Variants in HDAC9 observed in about 807,000 individuals in gnomAD.
The protein encoded by HDAC9 is histone deacetylase 9.
Under a neutral mutation model 139.4 loss-of-function variants are expected in HDAC9, and 41 were observed. The ratio of observed to expected loss-of-function variants is 0.29; its 90% CI spans 0.23 to 0.38. The LOEUF (loss-of-function observed/expected upper bound fraction) is 0.38. Ranked by LOEUF, HDAC9 falls within the 10% of genes least tolerant of loss-of-function variation. The pLI, the probability that HDAC9 is intolerant of heterozygous loss-of-function variation, is 1.00. For missense variants in HDAC9, 1,147 were observed against 1,297.0 expected (o/e 0.88, Z 1.78); for synonymous variants, 517 against 476.2 (o/e 1.09, Z -1.12).
chr7:18,968,828 G>A (rs1016173889), intron 24 of HDAC9, among the ~76,000 whole-genome samples: 10 of 151,720 alleles, frequency 6.6e-5, no homozygotes, highest in Non-Finnish European at 1.3e-4. Flanking sequence ...GCGTGGTGGC[G>A]GGCGCCTGTA....
chr7:18,440,013 C>G (rs760753462), intron 1 of HDAC9, among the ~76,000 whole-genome samples: 2 of 152,110 alleles, frequency 1.3e-5, no homozygotes, highest in Non-Finnish European at 1.5e-5. Context: ...TGAAATTCAT[C>G]ATTGTACCCA....
chr7:18,307,134 TGTGTG>T (rs1282784929), intron 1 of HDAC9, among the ~76,000 whole-genome samples: 2,527 of 149,110 alleles, frequency 0.017, 41 homozygotes, highest in Middle Eastern at 0.035. Context: ...TGTGTGTGTG[TGTGTG>T]TGTGTTTGTA....
intron 2 of HDAC9, among the ~76,000 whole-genome samples, chr7:18,564,850 C>G (rs1464925888): frequency 6.6e-6 from 1 of 152,102 alleles, no homozygotes; most frequent in Non-Finnish European, 1.5e-5. Flanking sequence ...TGGGCTTCCA[C>G]TGTTTCCTCT....
intron 16 of HDAC9, among the ~76,000 whole-genome samples, chr7:18,791,550 G>A (rs560562111): frequency 6.6e-6 from 1 of 152,256 alleles, no homozygotes; most frequent in African/African-American, 2.4e-5. Flanking sequence ...CAAATGATTA[G>A]GTCTCAGTGT....
intron 1 of HDAC9, among the ~76,000 whole-genome samples, chr7:18,392,919 CAAAAAAAAAAAA>C (rs773532939): frequency 7.6e-4 from 34 of 44,554 alleles, no homozygotes; most frequent in African/African-American, 1.9e-3. Flanking sequence ...CCATGACTGG[CAAAAAAAAAAAA>C]AAAAAAAAAA....
chr7:18,189,271 C>T (rs1790151226), intron 2 of HDAC9, among the ~76,000 whole-genome samples: 1 of 151,478 alleles, frequency 6.6e-6, no homozygotes, highest in South Asian at 2.1e-4. Flanking sequence ...CATGTTCTCA[C>T]TCGTAAGCAG....
intron 1 of HDAC9, among the ~76,000 whole-genome samples, chr7:18,298,286 T>A (rs2990960): frequency 6.7e-6 from 1 of 149,108 alleles, no homozygotes; most frequent in Non-Finnish European, 1.5e-5. Context: ...TTATGTTTTT[T>A]TTTTTTTTTT....
At chr7:18,303,568 C>T (rs920149694) in intron 1 of HDAC9, among the ~76,000 whole-genome samples, 2 of 152,080 alleles carry the variant, frequency 1.3e-5, no homozygotes, top group Non-Finnish European at 2.9e-5. Context: ...CTTACATTTA[C>T]GTTGAAAAGC....
chr7:18,290,760 G>T (rs528193816), intron 1 of HDAC9, among the ~76,000 whole-genome samples: 2 of 152,262 alleles, frequency 1.3e-5, no homozygotes, highest in African/African-American at 4.8e-5. Flanking sequence ...CAAGACTAAA[G>T]TATTTTGGGG....
intron 1 of HDAC9, among the ~76,000 whole-genome samples, chr7:18,466,754 C>T (rs113333741): frequency 1.3e-5 from 2 of 152,130 alleles, no homozygotes; most frequent in African/African-American, 2.4e-5. Context: ...ACACATTCAA[C>T]GAAGTAAGAC....
chr7:18,846,331 C>G (rs1468787614), intron 21 of HDAC9, among the ~76,000 whole-genome samples: 1 of 152,130 alleles, frequency 6.6e-6, no homozygotes, highest in Non-Finnish European at 1.5e-5. Context: ...ACTTCCCAAG[C>G]TAGTCTTTGT....
At chr7:18,821,531 A>G (rs1310383789) in intron 17 of HDAC9, among the ~76,000 whole-genome samples, 1 of 152,208 alleles carries the variant, frequency 6.6e-6, no homozygotes, top group African/African-American at 2.4e-5. Context: ...GTGATACAAA[A>G]TAAAACTGAT....
At chr7:18,396,122 C>CCCTTG in intron 1 of HDAC9, among the ~76,000 whole-genome samples, 1 of 123,982 alleles carries the variant, frequency 8.1e-6, no homozygotes, top group African/African-American at 3.2e-5. Context: ...CCCTTCCCTT[C>CCCTTG]CCTTCCCTTG....
intron 1 of HDAC9, among the ~76,000 whole-genome samples, chr7:18,294,629 G>A (rs1798019915): frequency 6.6e-6 from 1 of 152,104 alleles, no homozygotes; most frequent in African/African-American, 2.4e-5. Flanking sequence ...AATCCAGATC[G>A]TGCTGGGCCT....
intron 11 of HDAC9, among the ~76,000 whole-genome samples, chr7:18,653,003 G>A (rs143919797): frequency 0.013 from 1,966 of 152,150 alleles, 48 homozygotes; most frequent in African/African-American, 0.045. Flanking sequence ...CTGGGAGGCC[G>A]ATGTGGGTGG....
chr7:18,348,434 A>T (rs987081435), intron 1 of HDAC9, among the ~76,000 whole-genome samples: 1 of 152,060 alleles, frequency 6.6e-6, no homozygotes, highest in Non-Finnish European at 1.5e-5. Flanking sequence ...ATAATACCTT[A>T]CTCATGGATT....
chr7:18,685,795 T>G (rs1009237185), intron 12 of HDAC9, among the ~76,000 whole-genome samples: 1 of 151,890 alleles, frequency 6.6e-6, no homozygotes, highest in African/African-American at 2.4e-5. Flanking sequence ...CCTAACTAAA[T>G]TAGTCATAAA....
At chr7:18,136,623 G>A (rs917037931) in intron 1 of HDAC9, among the ~76,000 whole-genome samples, 11 of 152,128 alleles carry the variant, frequency 7.2e-5, no homozygotes, top group African/African-American at 2.4e-4. Flanking sequence ...TAGATATGCG[G>A]TGTTATTTCT....
At chr7:18,662,274 A>G (rs1042759914) in intron 11 of HDAC9, among the ~76,000 whole-genome samples, 6 of 152,070 alleles carry the variant, frequency 3.9e-5, no homozygotes, top group Non-Finnish European at 8.8e-5. Flanking sequence ...TATTGCAGTC[A>G]TTATTGACCT....
Sources: gnomAD v4.1 joint callset for allele counts (sites outside exome capture counted in the v4.1 genomes callset) on GRCh38, gnomAD v4.1.1 for gene constraint, MANE v1.5 for transcripts, NCBI Gene and HGNC (gene_info 2026-07-23, HGNC 2026-07-21) for gene names.